Variants in KIF26B observed in about 807,000 individuals in gnomAD.
The protein encoded by KIF26B is kinesin family member 26B, also known as kinesin-like protein KIF26B.
KIF26B carries 63 observed loss-of-function variants against 151.2 expected under a neutral mutation model. The ratio of observed to expected loss-of-function variants is 0.42; its 90% CI spans 0.34 to 0.51. KIF26B has a LOEUF of 0.51. KIF26B is among the 20% of genes least tolerant of loss of function. The pLI is 0.07. For synonymous variants in KIF26B, 1,357 were observed against 1,262.1 expected (o/e 1.08, Z -1.59); for missense variants, 2,813 against 2,913.6 (o/e 0.97, Z 0.79).
At chr1:245,297,234 T>C (rs1671352469) in intron 2 of KIF26B, among the ~76,000 whole-genome samples, 1 of 152,086 alleles carries the variant, frequency 6.6e-6, no homozygotes, top group African/African-American at 2.4e-5. Context: ...TCCCAGCTAC[T>C]TGGGAGGCTG....
chr1:245,685,588 G>A lies in KIF26B; in HGVS notation c.2605G>A (p.Gly869Arg), dbSNP rs199690740. The A allele has an allele frequency of 1.2e-4, 192 of 1,613,646 alleles. No homozygotes were observed. The highest frequency in any genetic ancestry group is 1.6e-4 in the Non-Finnish European group (185 of 1,179,874). ...GTCCTGCGACACCGTCATCTACATC[G>A]GGCCCAACGGCACGGCCCTCTCTGA... Reference protein sequence around the residue: ...EQSCDTVIYIGPNGTALSDKE... With the variant: ...EQSCDTVIYIRPNGTALSDKE... The change falls in exon 12 of 15, where the codon GGG (glycine) becomes AGG (arginine). Residue 869 changes from glycine (G) to arginine (R), a missense_variant. Gly to Arg is a moderately radical substitution (Grantham distance 125, BLOSUM62 -2). This residue lies in a region of KIF26B where 2,060 missense variants were observed against 2,088.6 expected (regional missense o/e 0.99). Coordinates refer to ENST00000407071, the MANE Select transcript of KIF26B (RefSeq NM_018012.4).
intron 2 of KIF26B, among the ~76,000 whole-genome samples, chr1:245,203,320 C>T (rs942038928): frequency 1.3e-5 from 2 of 151,376 alleles, no homozygotes; most frequent in African/African-American, 2.4e-5. Context: ...ATGGGCACAA[C>T]GATCGTTGCT....
At chr1:245,528,706 G>C (rs1439350202) in intron 4 of KIF26B, among the ~76,000 whole-genome samples, 1 of 152,216 alleles carries the variant, frequency 6.6e-6, no homozygotes, top group Non-Finnish European at 1.5e-5. Context: ...TTGGGAATAA[G>C]TTTTGGGTTA....
intron 2 of KIF26B, among the ~76,000 whole-genome samples, chr1:245,302,988 C>CAAAAAAAAAAAAAAAAA (rs74163037): frequency 1.4e-4 from 5 of 35,824 alleles, no homozygotes; most frequent in East Asian, 1.1e-3. Flanking sequence ...GACTCTGTCT[C>CAAAAAAAAAAAAAAAAA]AAAAAAAAAA....
intron 4 of KIF26B, among the ~76,000 whole-genome samples, chr1:245,465,145 A>ATT (rs34434398): frequency 4.3e-4 from 65 of 150,936 alleles, no homozygotes; most frequent in Middle Eastern, 6.8e-3. Flanking sequence ...CACCCGGCTA[A>ATT]TTTTTTGTAT....
rs1668696606 is a variant in KIF26B at position 245,170,893 on chromosome 1, A to G, written c.465+14210A>G. Among the ~76,000 whole-genome samples the G allele has an allele frequency of 6.6e-6, 1 of 152,194 alleles. No homozygotes were observed. The highest frequency in any genetic ancestry group is 2.1e-4 in the South Asian group (1 of 4,818). ...GACACTGACCCCTCAGGCAGTGTTC[A>G]TGTTTGGTTTAATTTTTCCCTTTAT... On this transcript the variant is annotated intron_variant, in intron 2 of 14. Transcript: ENST00000407071. This position sits in a 1 kb window ranked among gnomAD's most constrained non-coding sequence, Gnocchi z 4.4.
At chr1:245,373,935 G>A (rs1337343902) in intron 3 of KIF26B, among the ~76,000 whole-genome samples, 4 of 149,906 alleles carry the variant, frequency 2.7e-5, no homozygotes, top group South Asian at 4.3e-4. Context: ...TGGCATGCCT[G>A]TAGTCCCAGC....
At chr1:245,370,499 C>A (rs1057465238) in intron 3 of KIF26B, 4 of 417,120 alleles carry the variant, frequency 9.6e-6, no homozygotes, top group African/African-American at 8.2e-5. Flanking sequence ...TTTACCCAGG[C>A]CATAGTTTCA....
intron 10 of KIF26B, among the ~76,000 whole-genome samples, chr1:245,665,511 C>A (rs2044202908): frequency 6.6e-6 from 1 of 152,000 alleles, no homozygotes; most frequent in Admixed American, 6.6e-5. Context: ...GTTTTTAATC[C>A]AATTTAAACT....
intron 2 of KIF26B, among the ~76,000 whole-genome samples, chr1:245,336,548 G>T (rs1672237370): frequency 2.0e-5 from 3 of 152,210 alleles, no homozygotes; most frequent in South Asian, 2.1e-4. Flanking sequence ...GGCAGGAAAA[G>T]GTTCTCTCTG....
chr1:245,556,194 C>T (rs1277094437), intron 5 of KIF26B, among the ~76,000 whole-genome samples: 1 of 152,060 alleles, frequency 6.6e-6, no homozygotes, highest in Non-Finnish European at 1.5e-5. Flanking sequence ...CAAATTTTAG[C>T]ACATCAATCT....
chr1:245,467,763 T>C (rs1093924), intron 4 of KIF26B, among the ~76,000 whole-genome samples: 123,730 of 151,980 alleles, frequency 0.81, 50,601 homozygotes, highest in African/African-American at 0.88. Context: ...GCCATGGCGG[T>C]GTGTGCCTGT....
At chr1:245,361,524 G>T (rs1306109736) in intron 2 of KIF26B, among the ~76,000 whole-genome samples, 1 of 152,228 alleles carries the variant, frequency 6.6e-6, no homozygotes, top group Non-Finnish European at 1.5e-5. Context: ...ACTGGGTGAA[G>T]GGCTGTGGGC....
At position 245,167,219 on chromosome 1, in the gene KIF26B, A is replaced by T. The variant is rs1262703425; in HGVS notation, c.465+10536A>T. Among the ~76,000 whole-genome samples, 5 of 152,172 alleles carry T rather than the reference A, an allele frequency of 3.3e-5. No individual in the cohort carries two copies. The highest frequency in any genetic ancestry group is 2.6e-4 in the Admixed American group (4 of 15,284). ...TTTTGCTTGAAAGCATGAGCTGCAA[A>T]TAATAAATTAAAATCCGCTTTTCTA... On this transcript the variant is annotated intron_variant, in intron 2 of 14. Coordinates refer to ENST00000407071, the MANE Select transcript of KIF26B (RefSeq NM_018012.4). This position sits in a 1 kb window ranked among gnomAD's most constrained non-coding sequence, Gnocchi z 4.2.
At position 245,540,035 on chromosome 1, in the gene KIF26B, G is replaced by A. The variant is rs1661577467; in HGVS notation, c.1167-732G>A. ...ACAGCCTATGTTATTAATGATGCCG[G>A]CAGCCTCCCCTCCCACCTTTCCCTG... On this transcript the variant is annotated intron_variant, in intron 4 of 14. Coordinates refer to ENST00000407071, the MANE Select transcript of KIF26B (RefSeq NM_018012.4). The surrounding 1 kb of genome is among the most constrained non-coding windows in gnomAD (Gnocchi z 4.6). Among the ~76,000 whole-genome samples the A allele has an allele frequency of 6.6e-6, 1 of 152,082 alleles. No individual in the cohort carries two copies.
intron 2 of KIF26B, among the ~76,000 whole-genome samples, chr1:245,194,933 G>A (rs1371878250): frequency 6.6e-6 from 1 of 152,084 alleles, no homozygotes; most frequent in Admixed American, 6.6e-5. Context: ...GTTTGCCCAA[G>A]GTTACTATAT....
intron 10 of KIF26B, among the ~76,000 whole-genome samples, chr1:245,662,774 CAT>C (rs544489405): frequency 0.11 from 7,633 of 71,682 alleles, 2,635 homozygotes; most frequent in African/African-American, 0.34. Flanking sequence ...CACACACACA[CAT>C]GCATGCCCTG....
At chr1:245,169,139 G>A (rs372400680) in intron 2 of KIF26B, among the ~76,000 whole-genome samples, 7 of 151,880 alleles carry the variant, frequency 4.6e-5, no homozygotes, top group African/African-American at 1.7e-4. Context: ...CCCCTCCCTC[G>A]TCCTTCCACC....
Position 245,398,205 on chromosome 1 carries a change from T to C in KIF26B, c.1000-21374T>C, listed in dbSNP as rs148928082. Among the ~76,000 whole-genome samples, 516 of 152,312 alleles carry C rather than the reference T, an allele frequency of 3.4e-3. 3 individuals carry two copies. The highest frequency in any genetic ancestry group is 0.01 in the Middle Eastern group (3 of 294). The stretch of plus-strand genomic sequence containing the variant: ...CATCTTAAACTGAAGGATTAGGTCA[T>C]TTCAGGGAGTTCTGGAGGTGAGGTG... On this transcript the variant is annotated intron_variant, in intron 3 of 14. Coordinates refer to ENST00000407071, the MANE Select transcript of KIF26B (RefSeq NM_018012.4).
Sources: allele counts gnomAD v4.1 joint callset (sites outside exome capture counted in the v4.1 genomes callset), GRCh38; gene constraint gnomAD v4.1.1; regional missense constraint gnomAD v4.1.1; non-coding constraint Gnocchi (gnomAD v3.1); transcripts MANE v1.5; gene names NCBI Gene and HGNC (gene_info 2026-07-23, HGNC 2026-07-21).